Variants in RUSC1 observed in about 807,000 individuals in gnomAD.
RUSC1 encodes RUN and SH3 domain containing 1.
In RUSC1, 40 loss-of-function variants were observed where a neutral mutation model predicts 72.1. The ratio of observed to expected loss-of-function variants is 0.55; its 90% CI spans 0.43 to 0.72. RUSC1 has a LOEUF of 0.72. Among genes scored for constraint, RUSC1 ranks in the 30% least tolerant of loss-of-function variants. RUSC1 has a pLI of 0.00. For synonymous variants in RUSC1, 512 were observed against 494.2 expected, an observed-to-expected ratio of 1.04 and a Z score of -0.48; for missense variants, 1,092 against 1,172.3, an observed-to-expected ratio of 0.93 and a Z score of 1.00.
intron 9 of RUSC1, among the ~76,000 whole-genome samples, chr1:155,329,658 C>T (rs1157608917): frequency 6.6e-6 from 1 of 151,970 alleles, no homozygotes; most frequent in Non-Finnish European, 1.5e-5. Flanking sequence ...TCCCAAAGTG[C>T]TGGGATTACA....
chr1:155,323,381 C>T, intron 2 of RUSC1: 2 of 388,968 alleles, frequency 5.1e-6, no homozygotes, highest in Non-Finnish European at 9.0e-6. Context: ...CTGCGCCTGG[C>T]CCCGCCAATC....
At position 155,330,528 on chromosome 1, in the gene RUSC1, T is replaced by A; in HGVS notation, c.2666T>A (p.Met889Lys). Reference sequence around the variant, plus strand: ...TGGCTCCGCTGTGGGCGGGATGGCATGGAGGGTCTGGTGCCTGTGGGGTAT... The same window carrying A: ...TGGCTCCGCTGTGGGCGGGATGGCAAGGAGGGTCTGGTGCCTGTGGGGTAT... Reference protein sequence around the residue: ...EDWLRCGRDGMEGLVPVGYTS... With the variant: ...EDWLRCGRDGKEGLVPVGYTS... Residue 889 changes from methionine to lysine, a missense_variant, in exon 10 of 10, where the codon ATG (methionine) becomes AAG (lysine). Transcript: ENST00000368352. The A allele has an allele frequency of 6.2e-7, 1 of 1,613,292 alleles. No individual in the cohort carries two copies.
Position 155,325,037 on chromosome 1 carries a change from G to A in RUSC1, c.1457-65G>A, listed in dbSNP as rs1651167560. ...GGCTGTCCGAAGGCAGTCTCTCCAC[G>A]CCCCTCGGGCAAGCCTGGGTAGGGG... is the stretch of plus-strand genomic sequence containing the variant. On this transcript the variant is annotated intron_variant, in intron 3 of 9. Transcript: ENST00000368352. The surrounding 1 kb of genome is among the most constrained non-coding windows in gnomAD (Gnocchi z 6.5). 1 of 1,613,840 alleles carries A rather than the reference G, an allele frequency of 6.2e-7. No homozygotes were observed. Among genetic ancestry groups the A allele is most frequent in the East Asian group, 2.2e-5 (1 of 44,874 alleles).
rs1368053000 is a variant in RUSC1 at position 155,325,568 on chromosome 1, C to G, written c.1710C>G (p.Gly570=). 1 of 1,609,686 alleles carries G rather than the reference C, an allele frequency of 6.2e-7. No individual in the cohort carries two copies. Among genetic ancestry groups the G allele is most frequent in the East Asian group, 2.2e-5 (1 of 44,880 alleles). Residue 570 remains glycine (G), a splice_region_variant and synonymous_variant, in exon 6 of 10, where the codon GGC becomes GGG. Coordinates refer to ENST00000368352, the MANE Select transcript of RUSC1 (RefSeq NM_001105203.2). The surrounding 1 kb of genome is among the most constrained non-coding windows in gnomAD (Gnocchi z 6.5). ...WSVVEASVKP[G]SSTRSLGTLY... is the part of the protein sequence containing the mutation. ...GCTGACTGCACCCCACGTTCTCAGG[C>G]TCCAGCACCCGCTCCCTTGGAACCC...
chr1:155,326,832 G>C lies in RUSC1; in HGVS notation c.2114G>C (p.Ser705Thr). The C allele has an allele frequency of 1.2e-6, 2 of 1,613,568 alleles. No homozygotes were observed. Among genetic ancestry groups the C allele is most frequent in the Non-Finnish European group, 1.7e-6 (2 of 1,180,046 alleles). Residue 705 changes from serine (S) to threonine (T), a missense_variant, in exon 8 of 10, where the codon AGC becomes ACC. By Grantham distance (58) the Ser-to-Thr change is moderately conservative. Transcript: ENST00000368352. The surrounding 1 kb of genome is among the most constrained non-coding windows in gnomAD (Gnocchi z 4.7). ...CACTTTGGGGGCCGGCTGGCCCAGA[G>C]CCTTCGGGGGACTTCCAAGGAAGCT... ...MLHFGGRLAQ[S>T]LRGTSKEAAS...
At position 155,325,221 on chromosome 1, in the gene RUSC1, T is replaced by C; in HGVS notation, c.1533+43T>C. 2.5e-6 allele frequency: 4 copies of C among 1,613,660 alleles called. No individual in the cohort carries two copies. The highest frequency in any genetic ancestry group is 3.4e-6 in the Non-Finnish European group (4 of 1,179,980). On this transcript the variant is annotated intron_variant, in intron 4 of 9. Transcript: ENST00000368352. This position sits in a 1 kb window ranked among gnomAD's most constrained non-coding sequence, Gnocchi z 6.5. ...GAGGCTGTTGGGATGAGGAGAGTAA[T>C]GGAGCTCCGCGGGGGGTGCGGGAAT...
chr1:155,325,180 T>G lies in RUSC1; in HGVS notation c.1533+2T>G, dbSNP rs1651197534. Reference sequence around the variant, plus strand: ...GCCGCCCGGAACTTGGTGCAGAAGGTGAAGGTGGCTGGGGGGAGGCTGTTG... The same window carrying G: ...GCCGCCCGGAACTTGGTGCAGAAGGGGAAGGTGGCTGGGGGGAGGCTGTTG... On this transcript the variant is annotated splice_donor_variant, in intron 4 of 9. Coordinates refer to ENST00000368352, the MANE Select transcript of RUSC1 (RefSeq NM_001105203.2). LOFTEE classifies it high-confidence loss of function. This position sits in a 1 kb window ranked among gnomAD's most constrained non-coding sequence, Gnocchi z 6.5. The G allele has an allele frequency of 6.2e-7, 1 of 1,613,952 alleles. No homozygotes were observed. Among genetic ancestry groups the G allele is most frequent in the African/African-American group, 1.3e-5 (1 of 74,950 alleles).
At position 155,322,897 on chromosome 1, in the gene RUSC1, G is replaced by C. The variant is rs1439334070; in HGVS notation, c.1124G>C (p.Arg375Pro). The C allele has an allele frequency of 1.9e-6, 3 of 1,606,186 alleles. No individual in the cohort carries two copies. The highest frequency in any genetic ancestry group is 3.4e-5 in the Admixed American group (2 of 59,476). Residue 375 changes from arginine to proline, a missense_variant, in exon 2 of 10, where the codon CGG (arginine) becomes CCG (proline). By Grantham distance (103) the Arg-to-Pro change is moderately radical (BLOSUM62 -2). Coordinates refer to ENST00000368352, the MANE Select transcript of RUSC1 (RefSeq NM_001105203.2). ...PREVTTFKELRSRSRAPAPPV... is the reference protein window; with the variant it reads ...PREVTTFKELPSRSRAPAPPV... Reference sequence around the variant, plus strand: ...GAAGTCACCACCTTCAAGGAACTCCGGTCCCGAAGCCGGGCCCCAGCCCCG... The same window carrying C: ...GAAGTCACCACCTTCAAGGAACTCCCGTCCCGAAGCCGGGCCCCAGCCCCG...
Position 155,325,107 on chromosome 1 carries a change from C to T in RUSC1, c.1462C>T (p.Leu488=). 6.2e-7 allele frequency: 1 copy of T among 1,614,264 alleles called. No homozygotes were observed. The highest frequency in any genetic ancestry group is 8.5e-7 in the Non-Finnish European group (1 of 1,180,050). The change falls in exon 4 of 10, where the codon CTG becomes TTG. Residue 488 remains leucine (L), a synonymous_variant. Coordinates refer to ENST00000368352, the MANE Select transcript of RUSC1 (RefSeq NM_001105203.2). This position sits in a 1 kb window ranked among gnomAD's most constrained non-coding sequence, Gnocchi z 6.5. ...GQLQEQKKGL[L]IAVSVSVDKI... is the part of the protein sequence containing the mutation. ...CCCTTTCCCACTCCTCCCAGGTCTT[C>T]TGATAGCCGTCAGCGTCTCCGTTGA...
In RUSC1 at chr1:155,320,941, C is replaced by T. The variant is rs773419814; in HGVS notation, c.-137C>T. The T allele has an allele frequency of 1.1e-5, 18 of 1,566,870 alleles. No individual in the cohort carries two copies. The highest frequency in any genetic ancestry group is 1.5e-5 in the Non-Finnish European group (17 of 1,154,544). On this transcript the variant is annotated 5_prime_UTR_variant, in exon 1 of 10. Coordinates refer to ENST00000368352, the MANE Select transcript of RUSC1 (RefSeq NM_001105203.2). ...GCTCTGTGCCCCGCCGGGCGGGGAC[C>T]GTGGGAGCCGCGGACAAGCCCAAGG...
At position 155,323,447 on chromosome 1, in the gene RUSC1, C is replaced by A. The variant is rs371256918; in HGVS notation, c.1357+317C>A. The A allele has an allele frequency of 2.3e-4, 58 of 248,016 alleles. 1 individual carries two copies. Among genetic ancestry groups the A allele is most frequent in the African/African-American group, 1.1e-3 (49 of 44,794 alleles). The allele number at this position is 248,016 out of a possible 1,614,324, so 15.4% of individuals were successfully genotyped here. ...CGGCCCCTGGTTTTCCGGTTCTCGG[C>A]CGACGGGCGCCCCCTGTTGGAGGGT... is the stretch of plus-strand genomic sequence containing the variant. On this transcript the variant is annotated intron_variant, in intron 2 of 9. Transcript: ENST00000368352.
At position 155,330,882 on chromosome 1, in the gene RUSC1, C is replaced by T. The variant is rs1651946706; in HGVS notation, c.*311C>T. On this transcript the variant is annotated 3_prime_UTR_variant, in exon 10 of 10. Coordinates refer to ENST00000368352, the MANE Select transcript of RUSC1 (RefSeq NM_001105203.2). The stretch of plus-strand genomic sequence containing the variant: ...TGGAAATCTAGACCTCCTTCTTCAT[C>T]CATAAGTGGACTGTGCCAGTACAAT... 2 of 261,290 alleles carry T rather than the reference C, an allele frequency of 7.7e-6. No individual in the cohort carries two copies. Among genetic ancestry groups the T allele is most frequent in the Non-Finnish European group, 1.5e-5 (2 of 134,518 alleles). The allele number at this position is 261,290 out of a possible 1,614,324, so 16.2% of individuals were successfully genotyped here.
intron 9 of RUSC1, among the ~76,000 whole-genome samples, chr1:155,329,375 T>TA (rs1651767676): frequency 6.9e-6 from 1 of 144,246 alleles, no homozygotes. Context: ...TGGGAGCCAC[T>TA]ACACCTGGCT....
chr1:155,323,129 G>C lies in RUSC1; in HGVS notation c.1356G>C (p.Glu452Asp), dbSNP rs1440556879. 3 of 1,409,536 alleles carry C rather than the reference G, an allele frequency of 2.1e-6. No individual in the cohort carries two copies. Among genetic ancestry groups the C allele is most frequent in the Admixed American group, 3.2e-5 (1 of 31,488 alleles). 87.3% of individuals were successfully genotyped at this position (1,409,536 alleles called of 1,614,324 possible). A position where few individuals can be genotyped will look rare whatever the true frequency, so the allele number is the denominator to read the frequency against. The change falls in exon 2 of 10, where the codon GAG becomes GAC. Residue 452 changes from glutamate (E) to aspartate (D), a missense_variant and splice_region_variant. Coordinates refer to ENST00000368352, the MANE Select transcript of RUSC1 (RefSeq NM_001105203.2). ...AKEPGAQAGLEVRSSWSFAGV... is the reference protein window; with the variant it reads ...AKEPGAQAGLDVRSSWSFAGV... The stretch of plus-strand genomic sequence containing the variant: ...AGCCGGGCGCGCAGGCCGGCCTGGA[G>C]GGTAAGAGGTCGCAAGAAGCGGGAG...
intron 9 of RUSC1, among the ~76,000 whole-genome samples, chr1:155,329,820 T>C (rs1651819667): frequency 6.6e-6 from 1 of 151,372 alleles, no homozygotes; most frequent in South Asian, 2.1e-4. Context: ...CCAGGCGTGG[T>C]GGTGGTGGGC....
At chr1:155,321,617 C>A in intron 1 of RUSC1, 71 bp from the exon 2 acceptor site, 1 of 1,253,180 alleles carries the variant, frequency 8.0e-7, no homozygotes, top group Admixed American at 2.3e-5. Context: ...CTGCTGCCGT[C>A]AAGTCACCTC....
chr1:155,327,161 CCTT>C (rs748069208), intron 8 of RUSC1, 29 bp downstream of exon 8: 3 of 1,551,848 alleles, frequency 1.9e-6, no homozygotes, highest in Non-Finnish European at 2.6e-6. Context: ...CTTTCTATGA[CCTT>C]CTGACTCTCT....
chr1:155,322,649 A>C lies in RUSC1; in HGVS notation c.876A>C (p.Ala292=). The C allele has an allele frequency of 6.2e-7, 1 of 1,614,246 alleles. No individual in the cohort carries two copies. Among genetic ancestry groups the C allele is most frequent in the Non-Finnish European group, 8.5e-7 (1 of 1,180,034 alleles). Reference sequence around the variant, plus strand: ...CTGATTCTGGCTCGAAAACAGATGCAGGGAAAATTGATGGAGGATGGAGAA... The same window carrying C: ...CTGATTCTGGCTCGAAAACAGATGCCGGGAAAATTGATGGAGGATGGAGAA... The part of the protein sequence containing the change: ...RITDSGSKTD[A]GKIDGGWRSD... Residue 292 remains alanine, a synonymous_variant, in exon 2 of 10, where the codon GCA becomes GCC. Coordinates refer to ENST00000368352, the MANE Select transcript of RUSC1 (RefSeq NM_001105203.2).
chr1:155,327,443 C>T (rs1477346056), intron 8 of RUSC1, among the ~76,000 whole-genome samples: 1 of 152,098 alleles, frequency 6.6e-6, no homozygotes, highest in Admixed American at 6.5e-5. Context: ...TAGGAAAAGA[C>T]AGCCCTCAGT....
Sources: allele counts gnomAD v4.1 joint callset (sites outside exome capture counted in the v4.1 genomes callset), GRCh38; gene constraint gnomAD v4.1.1; non-coding constraint Gnocchi (gnomAD v3.1); transcripts MANE v1.5; gene names NCBI Gene and HGNC (gene_info 2026-07-23, HGNC 2026-07-21).